Variants in PARVA observed in about 807,000 individuals in gnomAD.
PARVA encodes alpha-parvin.
A neutral mutation model predicts 52.6 loss-of-function variants in PARVA; 25 were observed. That is an observed-to-expected ratio of 0.48 (90% CI 0.35 to 0.66). The LOEUF (loss-of-function observed/expected upper bound fraction) is 0.66, where lower values mean the gene tolerates loss of function less well. PARVA is among the 30% of genes least tolerant of loss of function. The pLI, the probability that PARVA is intolerant of heterozygous loss-of-function variation, is 0.01. For missense variants in PARVA, 373 were observed against 450.9 expected, an observed-to-expected ratio of 0.83 and a Z score of 1.56; for synonymous variants, 185 against 179.1, an observed-to-expected ratio of 1.03 and a Z score of -0.26.
In PARVA at chr11:12,528,011, C is replaced by T; in HGVS notation, c.*86C>T. The stretch of plus-strand genomic sequence containing the variant: ...TCCGAACTGCCTTACCCTGCTTATT[C>T]CTGTCTCTTGCACTGTGCTCTCCCA... On this transcript the variant is annotated 3_prime_UTR_variant, in exon 13 of 13. Transcript: ENST00000334956. 1 of 929,448 alleles carries T rather than the reference C, an allele frequency of 1.1e-6. No homozygotes were observed. Among genetic ancestry groups the T allele is most frequent in the Non-Finnish European group, 1.8e-6 (1 of 558,032 alleles). The allele number at this position is 929,448 out of a possible 1,614,324, so 57.6% of individuals were successfully genotyped here. A position where few individuals can be genotyped will look rare whatever the true frequency, so the allele number is the denominator to read the frequency against.
At chr11:12,430,716 C>T (rs1365706935) in intron 1 of PARVA, among the ~76,000 whole-genome samples, 2 of 152,186 alleles carry the variant, frequency 1.3e-5, no homozygotes, top group East Asian at 1.9e-4. Flanking sequence ...AGAAAGAGGG[C>T]CCATGCCTGG....
At chr11:12,402,131 T>C (rs1044211141) in intron 1 of PARVA, among the ~76,000 whole-genome samples, 11 of 151,830 alleles carry the variant, frequency 7.2e-5, no homozygotes, top group Admixed American at 4.6e-4. Context: ...AAAGAGTGGG[T>C]TTGAAGGGAA....
At chr11:12,424,862 A>T (rs887955233) in intron 1 of PARVA, among the ~76,000 whole-genome samples, 2 of 152,208 alleles carry the variant, frequency 1.3e-5, no homozygotes, top group African/African-American at 4.8e-5. Flanking sequence ...GTTTTGAACT[A>T]CCCTAATCAT....
intron 1 of PARVA, among the ~76,000 whole-genome samples, chr11:12,466,753 T>C (rs1940859265): frequency 6.6e-6 from 1 of 152,198 alleles, no homozygotes; most frequent in Non-Finnish European, 1.5e-5. Context: ...TATTGTGTTT[T>C]AACTTAGGTC....
At chr11:12,401,128 C>A (rs1042899362) in intron 1 of PARVA, among the ~76,000 whole-genome samples, 1 of 152,196 alleles carries the variant, frequency 6.6e-6, no homozygotes, top group Non-Finnish European at 1.5e-5. Context: ...ACGGTCGATT[C>A]CCACCTTAAC....
At chr11:12,408,693 G>A (rs1939948959) in intron 1 of PARVA, among the ~76,000 whole-genome samples, 1 of 152,186 alleles carries the variant, frequency 6.6e-6, no homozygotes, top group East Asian at 1.9e-4. Context: ...TATTTACTAA[G>A]CCCTATGTTA....
intron 1 of PARVA, among the ~76,000 whole-genome samples, chr11:12,402,142 C>A (rs972704110): frequency 2.0e-5 from 3 of 152,028 alleles, no homozygotes; most frequent in Non-Finnish European, 4.4e-5. Context: ...TTGAAGGGAA[C>A]CAATGAGGGC....
At chr11:12,377,811 G>T (rs775197031) in intron 1 of PARVA, 28 bp downstream of exon 1, 1 of 1,468,226 alleles carries the variant, frequency 6.8e-7, no homozygotes, top group South Asian at 1.3e-5. Flanking sequence ...GGCCGGGCGG[G>T]CGGTAGGAGC....
intron 9 of PARVA, 130 bp downstream of exon 9, chr11:12,513,490 C>G: frequency 1.2e-6 from 1 of 830,910 alleles, no homozygotes; most frequent in Non-Finnish European, 2.1e-6. Context: ...ACACACAGGG[C>G]TTTCCCCCTT....
intron 1 of PARVA, among the ~76,000 whole-genome samples, chr11:12,386,812 C>T (rs1356014012): frequency 1.3e-5 from 2 of 152,230 alleles, no homozygotes; most frequent in African/African-American, 2.4e-5. Flanking sequence ...CACCCAGCTT[C>T]TCTCAAATTC....
intron 4 of PARVA, among the ~76,000 whole-genome samples, chr11:12,481,269 C>T (rs1941082430): frequency 6.6e-6 from 1 of 152,070 alleles, no homozygotes; most frequent in African/African-American, 2.4e-5. Flanking sequence ...GAAGAGTTGT[C>T]ATTTCTATTT....
At position 12,529,798 on chromosome 11, in the gene PARVA, T is replaced by C. The variant is rs1164737210; in HGVS notation, c.*1873T>C. ...ATTGTCACTCAGCATAATGAGCATT[T>C]AACATACAAAGGCAATGTACTGTTT... On this transcript the variant is annotated 3_prime_UTR_variant, in exon 13 of 13. Transcript: ENST00000334956. 6.6e-6 allele frequency: 1 copy of C among 152,238 alleles called. No individual in the cohort carries two copies. Among genetic ancestry groups the C allele is most frequent in the Non-Finnish European group, 1.5e-5 (1 of 68,050 alleles). The allele number at this position is 152,238 out of a possible 1,614,324, so 9.4% of individuals were successfully genotyped here. A position where few individuals can be genotyped will look rare whatever the true frequency, so the allele number is the denominator to read the frequency against.
chr11:12,452,178 T>G (rs1940631231), intron 1 of PARVA, among the ~76,000 whole-genome samples: 1 of 151,940 alleles, frequency 6.6e-6, no homozygotes, highest in Admixed American at 6.6e-5. Flanking sequence ...GGTATACGGT[T>G]CCAGGGCCTG....
chr11:12,491,947 T>C (rs1941239350), intron 4 of PARVA, among the ~76,000 whole-genome samples: 2 of 152,164 alleles, frequency 1.3e-5, no homozygotes, highest in African/African-American at 4.8e-5. Context: ...TCTCAACAAA[T>C]TAGCATACAG....
intron 10 of PARVA, among the ~76,000 whole-genome samples, chr11:12,515,842 C>G (rs1055702751): frequency 1.3e-5 from 2 of 152,000 alleles, no homozygotes; most frequent in Admixed American, 6.6e-5. Flanking sequence ...GAGGAGCTAC[C>G]CTTTTGTTTT....
intron 4 of PARVA, among the ~76,000 whole-genome samples, chr11:12,491,827 G>A (rs936429344): frequency 2.6e-5 from 4 of 152,068 alleles, no homozygotes; most frequent in Non-Finnish European, 4.4e-5. Flanking sequence ...GAATAATACA[G>A]TTAATCAGCT....
chr11:12,507,236 C>T (rs1004175926), intron 6 of PARVA, among the ~76,000 whole-genome samples: 1 of 152,164 alleles, frequency 6.6e-6, no homozygotes, highest in African/African-American at 2.4e-5. Flanking sequence ...GATGAGCCAC[C>T]CAAGTTCAGA....
intron 12 of PARVA, among the ~76,000 whole-genome samples, chr11:12,520,568 A>G (rs999565117): frequency 1.3e-5 from 2 of 152,300 alleles, no homozygotes; most frequent in African/African-American, 4.8e-5. Context: ...TTTGTATCTG[A>G]GATGACTTGC....
intron 12 of PARVA, among the ~76,000 whole-genome samples, chr11:12,526,889 C>T (rs1325395444): frequency 6.6e-6 from 1 of 151,796 alleles, no homozygotes; most frequent in East Asian, 1.9e-4. Context: ...GAGGAGCCAG[C>T]AGAGGGTTAG....
Sources: allele counts gnomAD v4.1 joint callset (sites outside exome capture counted in the v4.1 genomes callset), GRCh38; gene constraint gnomAD v4.1.1; transcripts MANE v1.5; gene names NCBI Gene and HGNC (gene_info 2026-07-23, HGNC 2026-07-21).